MICA: variants seen among roughly 807,000 people sequenced by gnomAD.
MICA encodes the protein HLA class I antigen.
In MICA, 18 loss-of-function variants were observed where a neutral mutation model predicts 34.3. The ratio of observed to expected loss-of-function variants is 0.52; its 90% confidence interval spans 0.36 to 0.78. MICA has a LOEUF of 0.78. Ranked by LOEUF, MICA falls within the 30% of genes least tolerant of loss-of-function variation. The probability of loss-of-function intolerance (pLI) is 0.00; values close to 1 mark genes in which losing one functional copy is unlikely to be tolerated. For missense variants in MICA, 333 were observed against 409.4 expected, an observed-to-expected ratio of 0.81 and a Z score of 1.61; for synonymous variants, 135 against 156.9, an observed-to-expected ratio of 0.86 and a Z score of 1.04.
Position 31,411,324 on chromosome 6 carries a change from G to A in MICA, c.578G>A (p.Arg193Gln), listed in dbSNP as rs769820263. ...GCAGACTGCCTGCAGGAACTACGGCGATATCTAGAATCCGGCGTAGTCCTG... is the reference window on the plus strand; with the variant it reads ...GCAGACTGCCTGCAGGAACTACGGCAATATCTAGAATCCGGCGTAGTCCTG... ...MHADCLQELR[R>Q]YLESGVVLRR... Residue 193 changes from arginine to glutamine, a missense_variant, in exon 3 of 6, where the codon CGA (arginine) becomes CAA (glutamine). Coordinates refer to ENST00000449934, the MANE Select transcript of MICA (RefSeq NM_001177519.3). The surrounding 1 kb of genome is among the most constrained non-coding windows in gnomAD (Gnocchi z 4.3). 1.9e-6 allele frequency: 3 copies of A among 1,591,774 alleles called. No individual in the cohort carries two copies. Among genetic ancestry groups the A allele is most frequent in the African/African-American group, 1.3e-5 (1 of 74,166 alleles).
chr6:31,412,384 G>GCTGCTGCTGCTGCTGCT lies in MICA; in HGVS notation c.952_953insCTGCTGCTGCTGCTGCT (p.Gly318AlafsTer74), dbSNP rs41293539. On this transcript the variant is annotated frameshift_variant, in exon 5 of 6. Coordinates refer to ENST00000449934, the MANE Select transcript of MICA (RefSeq NM_001177519.3). LOFTEE classifies it high-confidence loss of function. ...ATTCCATGTTTCTGCTGTTGCTGCT[G>GCTGCTGCTGCTGCTGCT]GCTGCTGCTATTTTTGTTATTATTA... The GCTGCTGCTGCTGCTGCT allele has an allele frequency of 8.3e-7, 1 of 1,199,602 alleles. No individual in the cohort carries two copies. The highest frequency in any genetic ancestry group is 1.1e-6 in the Non-Finnish European group (1 of 874,000). The allele number at this position is 1,199,602 out of a possible 1,614,324, so 74.3% of individuals were successfully genotyped here.
upstream of MICA, among the ~76,000 whole-genome samples, chr6:31,403,189 G>C (rs901090874): frequency 6.6e-6 from 1 of 151,818 alleles, no homozygotes; most frequent in Admixed American, 6.6e-5. This position sits in a 1 kb window ranked among gnomAD's most constrained non-coding sequence, Gnocchi z 4.7. Context: ...CGCGTTGTCT[G>C]TCCTGGAAGG....
In MICA at chr6:31,410,900, G is replaced by A. The variant is rs1771094110; in HGVS notation, c.325+103G>A. ...CTTCCCACTGGATCTGGCTCAGGCTGGGGGTGAGGAATGGGGGTCAGTGGA... is the reference window on the plus strand; with the variant it reads ...CTTCCCACTGGATCTGGCTCAGGCTAGGGGTGAGGAATGGGGGTCAGTGGA... On this transcript the variant is annotated intron_variant, in intron 2 of 5. Coordinates refer to ENST00000449934, the MANE Select transcript of MICA (RefSeq NM_001177519.3). 8.8e-6 allele frequency: 13 copies of A among 1,481,676 alleles called. 1 individual carries two copies. Among genetic ancestry groups the A allele is most frequent in the Middle Eastern group, 3.6e-4 (2 of 5,630 alleles). 91.8% of individuals were successfully genotyped at this position (1,481,676 alleles called of 1,614,324 possible).
At chr6:31,406,853 GT>G (rs1770775426) in intron 1 of MICA, among the ~76,000 whole-genome samples, 1 of 151,828 alleles carries the variant, frequency 6.6e-6, no homozygotes, top group African/African-American at 2.4e-5. Context: ...TTGGAAATGA[GT>G]TTACTGTAGA....
chr6:31,411,230 G>A lies in MICA; in HGVS notation c.484G>A (p.Ala162Thr). 6.2e-7 allele frequency: 1 copy of A among 1,613,264 alleles called. No homozygotes were observed. Among genetic ancestry groups the A allele is most frequent in the Non-Finnish European group, 8.5e-7 (1 of 1,179,950 alleles). Residue 162 changes from alanine to threonine, a missense_variant, in exon 3 of 6, where the codon GCC becomes ACC. Ala to Thr is a moderately conservative substitution (Grantham distance 58, BLOSUM62 0). Coordinates refer to ENST00000449934, the MANE Select transcript of MICA (RefSeq NM_001177519.3). This position sits in a 1 kb window ranked among gnomAD's most constrained non-coding sequence, Gnocchi z 4.3. ...CCAGTCCTCCAGAGCTCAGACCTTG[G>A]CCATGAACGTCAGGAATTTCTTGAA... ...VPQSSRAQTL[A>T]MNVRNFLKED... is the part of the protein sequence containing the mutation.
At position 31,403,754 on chromosome 6, in the gene MICA, C is replaced by T; in HGVS notation, c.70+52C>T. On this transcript the variant is annotated intron_variant, in intron 1 of 5. Coordinates refer to ENST00000449934, the MANE Select transcript of MICA (RefSeq NM_001177519.3). This position sits in a 1 kb window ranked among gnomAD's most constrained non-coding sequence, Gnocchi z 4.7. ...GCGGAGCGGGAGCAGTGGGACGTTT[C>T]CGGGGGTCGGGTGGGTAGCGGCGAG... 6.7e-7 allele frequency: 1 copy of T among 1,501,228 alleles called. No homozygotes were observed. Among genetic ancestry groups the T allele is most frequent in the Non-Finnish European group, 8.9e-7 (1 of 1,123,342 alleles). The allele number at this position is 1,501,228 out of a possible 1,614,324, so 93.0% of individuals were successfully genotyped here.
intron 1 of MICA, among the ~76,000 whole-genome samples, chr6:31,408,050 A>G (rs1770840154): frequency 1.3e-5 from 2 of 151,772 alleles, no homozygotes; most frequent in Admixed American, 1.3e-4. Context: ...GAGAGTTTTT[A>G]TCATGAAGGG....
chr6:31,406,048 G>T (rs1770730666), intron 1 of MICA, among the ~76,000 whole-genome samples: 1 of 151,782 alleles, frequency 6.6e-6, no homozygotes, highest in Non-Finnish European at 1.5e-5. Context: ...CCTTTCTTTG[G>T]AGTATATGCC....
chr6:31,414,859 G>A (rs891857468), intron 5 of MICA, among the ~76,000 whole-genome samples, 153 bp from the exon 6 acceptor site: 2 of 151,938 alleles, frequency 1.3e-5, no homozygotes, highest in African/African-American at 4.8e-5. Context: ...GCTGGGAAAA[G>A]CAAGGAGGGA....
At chr6:31,403,108 C>T (rs1770530082), upstream of MICA, among the ~76,000 whole-genome samples, 1 of 151,840 alleles carries the variant, frequency 6.6e-6, no homozygotes, top group Admixed American at 6.6e-5. The surrounding 1 kb of genome is among the most constrained non-coding windows in gnomAD (Gnocchi z 4.7). Flanking sequence ...AACAGGTCTG[C>T]AAATCTGGTC....
chr6:31,410,947 G>A, intron 2 of MICA, 125 bp from the exon 3 acceptor site: 2 of 1,466,612 alleles, frequency 1.4e-6, no homozygotes, highest in South Asian at 1.4e-5. Context: ...AGGTGAGCCG[G>A]CACTCAGCCC....
intron 1 of MICA, among the ~76,000 whole-genome samples, chr6:31,409,812 T>C (rs756868597): frequency 6.6e-6 from 1 of 151,724 alleles, no homozygotes; most frequent in Non-Finnish European, 1.5e-5. Context: ...AAATTAAGGG[T>C]CCAATTTTAT....
chr6:31,415,119 G>A lies in MICA; in HGVS notation c.*137G>A, dbSNP rs1771444255. On this transcript the variant is annotated 3_prime_UTR_variant, in exon 6 of 6. Transcript: ENST00000449934. ...TCTGATGTCAGCTCTTGGGTCCACT[G>A]GCTCCACTGAGGGCACCTAGACTCT... 2.6e-6 allele frequency: 3 copies of A among 1,155,536 alleles called. No homozygotes were observed. Among genetic ancestry groups the A allele is most frequent in the Non-Finnish European group, 3.9e-6 (3 of 777,802 alleles). The allele number at this position is 1,155,536 out of a possible 1,614,324, so 71.6% of individuals were successfully genotyped here.
At chr6:31,404,086 G>A (rs545861514) in intron 1 of MICA, among the ~76,000 whole-genome samples, 70 of 151,834 alleles carry the variant, frequency 4.6e-4, no homozygotes, top group Middle Eastern at 3.4e-3. Context: ...CACAACCCCC[G>A]GTGCTCGGGG....
rs1161356263 is a variant in MICA at position 31,411,601 on chromosome 6, G to A, written c.613+242G>A. Among the ~76,000 whole-genome samples, 1 of 151,832 alleles carries A rather than the reference G, an allele frequency of 6.6e-6. No individual in the cohort carries two copies. Among genetic ancestry groups the A allele is most frequent in the Non-Finnish European group, 1.5e-5 (1 of 68,006 alleles). ...CCCTCCGACAGAATCCTGAGCCTGT[G>A]GTGGGTGTCAGGCAGGAGAGGAAGC... On this transcript the variant is annotated intron_variant, in intron 3 of 5. Transcript: ENST00000449934. The surrounding 1 kb of genome is among the most constrained non-coding windows in gnomAD (Gnocchi z 4.3).
intron 1 of MICA, among the ~76,000 whole-genome samples, chr6:31,404,697 G>C (rs116975856): frequency 0.039 from 5,983 of 151,962 alleles, 260 homozygotes; most frequent in Admixed American, 0.07. Flanking sequence ...CTCCCCTCCA[G>C]ACCCCCAAGG....
At position 31,411,340 on chromosome 6, in the gene MICA, C is replaced by G. The variant is rs760491015; in HGVS notation, c.594C>G (p.Gly198=). Residue 198 remains glycine, a synonymous_variant, in exon 3 of 6, where the codon GGC becomes GGG. Coordinates refer to ENST00000449934, the MANE Select transcript of MICA (RefSeq NM_001177519.3). The surrounding 1 kb of genome is among the most constrained non-coding windows in gnomAD (Gnocchi z 4.3). ...LQELRRYLES[G]VVLRRTVPPM... Reference sequence around the variant, plus strand: ...AACTACGGCGATATCTAGAATCCGGCGTAGTCCTGAGGAGAACAGGTACCG... The same window carrying G: ...AACTACGGCGATATCTAGAATCCGGGGTAGTCCTGAGGAGAACAGGTACCG... The G allele has an allele frequency of 2.0e-5, 31 of 1,572,248 alleles. No individual in the cohort carries two copies. The highest frequency in any genetic ancestry group is 2.5e-5 in the Non-Finnish European group (29 of 1,159,666).
chr6:31,404,753 G>A (rs940950608), intron 1 of MICA, among the ~76,000 whole-genome samples: 22 of 151,984 alleles, frequency 1.4e-4, no homozygotes, highest in African/African-American at 5.3e-4. Flanking sequence ...AGGGCGCAGG[G>A]CAGCGCAGAT....
At position 31,410,630 on chromosome 6, in the gene MICA, G is replaced by T. The variant is rs1474417946; in HGVS notation, c.158G>T (p.Gly53Val). The change falls in exon 2 of 6, where the codon GGT (glycine) becomes GTT (valine). Residue 53 changes from glycine (G) to valine (V), a missense_variant. Gly to Val is a moderately radical substitution (Grantham distance 109). Transcript: ENST00000449934. ...TTTCTTGCTGAGGTACATCTGGATG[G>T]TCAGCCCTTCCTGCGCTATGACAGG... The part of the protein sequence containing the change: ...SGFLAEVHLD[G>V]QPFLRYDRQK... 1 of 1,613,488 alleles carries T rather than the reference G, an allele frequency of 6.2e-7. No homozygotes were observed. The highest frequency in any genetic ancestry group is 1.3e-5 in the African/African-American group (1 of 74,728).
Sources: allele counts gnomAD v4.1 joint callset (sites outside exome capture counted in the v4.1 genomes callset), GRCh38; gene constraint gnomAD v4.1.1; non-coding constraint Gnocchi (gnomAD v3.1); transcripts MANE v1.5; gene names NCBI Gene and HGNC (gene_info 2026-07-23, HGNC 2026-07-21).